Variants in AUH observed in about 807,000 individuals in gnomAD.
AUH encodes the protein methylglutaconyl-CoA hydratase, mitochondrial.
AUH carries 29 observed loss-of-function variants against 42.3 expected under a neutral mutation model. The ratio of observed to expected loss-of-function variants is 0.69; its 90% CI spans 0.51 to 0.93. The LOEUF is 0.93. Among genes scored for constraint, AUH ranks in the 40% least tolerant of loss-of-function variants. AUH has a pLI of 0.00. For missense variants in AUH, 452 were observed against 438.1 expected (o/e 1.03, Z -0.28); for synonymous variants, 174 against 166.4 (o/e 1.05, Z -0.35).
chr9:91,243,918 T>C (rs570463748), intron 6 of AUH, among the ~76,000 whole-genome samples: 21 of 152,372 alleles, frequency 1.4e-4, no homozygotes, highest in Admixed American at 4.6e-4. Context: ...GATTTTGTTA[T>C]TTAACGAACT....
chr9:91,217,904 A>G (rs1826918273), intron 7 of AUH, among the ~76,000 whole-genome samples: 4 of 152,352 alleles, frequency 2.6e-5, no homozygotes. Flanking sequence ...CAGAAGAGTC[A>G]CAAGGAATGA....
chr9:91,224,049 G>A (rs1402921649), intron 6 of AUH, among the ~76,000 whole-genome samples: 1 of 152,186 alleles, frequency 6.6e-6, no homozygotes, highest in East Asian at 1.9e-4. Context: ...TTAGGGAGAT[G>A]AATTTGAGGC....
At chr9:91,348,914 T>A (rs1564126854) in intron 3 of AUH, among the ~76,000 whole-genome samples, 3 of 152,198 alleles carry the variant, frequency 2.0e-5, no homozygotes. Flanking sequence ...TAAAACATTT[T>A]TTATTCCAAC....
intron 3 of AUH, among the ~76,000 whole-genome samples, chr9:91,339,393 T>A (rs1460768073): frequency 6.6e-6 from 1 of 152,194 alleles, no homozygotes; most frequent in Non-Finnish European, 1.5e-5. Flanking sequence ...GATCAGCAAC[T>A]CTGAAATTAC....
At position 91,361,688 on chromosome 9, in the gene AUH, T is replaced by C. The variant is rs925147265; in HGVS notation, c.202A>G (p.Ser68Gly). 6.4e-7 allele frequency: 1 copy of C among 1,571,264 alleles called. No homozygotes were observed. The highest frequency in any genetic ancestry group is 1.4e-5 in the African/African-American group (1 of 73,900). ...AGGPAPKRGY[S>G]SEMKTEDELR... ...TCGTCCTCCGTCTTCATCTCAGAGC[T>C]GTAGCCCCTTTTCGGGGCGGGACCC... Residue 68 changes from serine to glycine, a missense_variant, in exon 1 of 10, where the codon AGC becomes GGC. Ser to Gly is a moderately conservative substitution (Grantham distance 56). Transcript: ENST00000375731.
At chr9:91,269,965 A>G (rs1029589365) in intron 6 of AUH, among the ~76,000 whole-genome samples, 1 of 152,250 alleles carries the variant, frequency 6.6e-6, no homozygotes, top group Non-Finnish European at 1.5e-5. Context: ...CTACAGAGCT[A>G]GTGTAAGAAC....
intron 4 of AUH, among the ~76,000 whole-genome samples, chr9:91,298,690 G>A (rs541057207): frequency 3.3e-5 from 5 of 152,224 alleles, no homozygotes; most frequent in African/African-American, 1.2e-4. Flanking sequence ...GCCTGGAAAG[G>A]GGTCAGCCAG....
chr9:91,350,967 A>G (rs1489315194), intron 3 of AUH, among the ~76,000 whole-genome samples: 2 of 151,972 alleles, frequency 1.3e-5, no homozygotes, highest in Non-Finnish European at 2.9e-5. Context: ...CCTTTAATCC[A>G]TGATCTTTTT....
intron 4 of AUH, among the ~76,000 whole-genome samples, chr9:91,306,109 G>A (rs900549670): frequency 3.3e-5 from 5 of 152,102 alleles, no homozygotes; most frequent in Non-Finnish European, 5.9e-5. Flanking sequence ...ATCGAGTTCT[G>A]ACTTGAGTTT....
chr9:91,240,927 T>C (rs115357100), intron 6 of AUH, among the ~76,000 whole-genome samples: 2,252 of 152,264 alleles, frequency 0.015, 47 homozygotes, highest in African/African-American at 0.043. Context: ...CTACAGTTCA[T>C]GGCCAGGGTA....
At chr9:91,230,885 C>T (rs932641766) in intron 6 of AUH, among the ~76,000 whole-genome samples, 1 of 152,188 alleles carries the variant, frequency 6.6e-6, no homozygotes, top group Non-Finnish European at 1.5e-5. Context: ...GGGTCACGGA[C>T]CCACTTGAGG....
intron 6 of AUH, among the ~76,000 whole-genome samples, chr9:91,226,902 T>C (rs1435078205): frequency 1.0e-4 from 14 of 136,178 alleles, no homozygotes; most frequent in Non-Finnish European, 2.1e-4. Context: ...TTCTGTTCCA[T>C]TGATCTATAT....
intron 6 of AUH, among the ~76,000 whole-genome samples, chr9:91,240,657 A>C (rs1828460982): frequency 6.6e-6 from 1 of 151,806 alleles, no homozygotes; most frequent in Admixed American, 6.6e-5. Flanking sequence ...CTCAAGTTTT[A>C]ATTTTTAGTT....
chr9:91,223,793 T>C (rs146873015), intron 6 of AUH, among the ~76,000 whole-genome samples: 2 of 152,266 alleles, frequency 1.3e-5, no homozygotes, highest in East Asian at 1.9e-4. Flanking sequence ...ACCCACCCAA[T>C]AGTCCCATAG....
intron 4 of AUH, among the ~76,000 whole-genome samples, chr9:91,314,087 G>A (rs150152956): frequency 5.7e-4 from 87 of 152,192 alleles, no homozygotes; most frequent in Middle Eastern, 3.4e-3. Flanking sequence ...GGCTCCCAAA[G>A]TGTTAGGACT....
At chr9:91,346,390 G>A (rs1290430300) in intron 3 of AUH, among the ~76,000 whole-genome samples, 2 of 152,178 alleles carry the variant, frequency 1.3e-5, no homozygotes, top group African/African-American at 4.8e-5. Flanking sequence ...ACACATGGAT[G>A]TGCTGGGTAA....
chr9:91,355,762 C>A (rs1336100758), intron 3 of AUH, 121 bp downstream of exon 3: 1 of 839,104 alleles, frequency 1.2e-6, no homozygotes, highest in Non-Finnish European at 2.0e-6. Context: ...CAGTAAAACA[C>A]AGACAAAGAG....
At chr9:91,330,609 G>A (rs998700978) in intron 3 of AUH, among the ~76,000 whole-genome samples, 1 of 152,200 alleles carries the variant, frequency 6.6e-6, no homozygotes, top group Non-Finnish European at 1.5e-5. Flanking sequence ...AATGCATGAT[G>A]TGTACTAAAA....
intron 3 of AUH, among the ~76,000 whole-genome samples, chr9:91,347,657 A>AT (rs1327453320): frequency 1.6e-4 from 25 of 152,262 alleles, no homozygotes; most frequent in Non-Finnish European, 1.3e-4. Flanking sequence ...GACCAAATAT[A>AT]TTTTTTATTC....
Sources: gnomAD v4.1 joint callset for allele counts (sites outside exome capture counted in the v4.1 genomes callset) on GRCh38, gnomAD v4.1.1 for gene constraint, MANE v1.5 for transcripts, NCBI Gene and HGNC (gene_info 2026-07-23, HGNC 2026-07-21) for gene names.